Variants in GRM5 observed in about 807,000 individuals in gnomAD.
GRM5 encodes glutamate metabotropic receptor 5.
Under a neutral mutation model 83.1 loss-of-function variants are expected in GRM5, and 19 were observed. The observed-to-expected ratio is 0.23, with a 90% CI of 0.16 to 0.34. The LOEUF (loss-of-function observed/expected upper bound fraction) is 0.34. Among genes scored for constraint, GRM5 ranks in the 10% least tolerant of loss-of-function variants. The probability of loss-of-function intolerance (pLI) is 1.00; values close to 1 mark genes in which losing one functional copy is unlikely to be tolerated. For synonymous variants in GRM5, 675 were observed against 633.6 expected (o/e 1.07, Z -0.98); for missense variants, 1,160 against 1,588.3 (o/e 0.73, Z 4.58).
At chr11:88,657,850 A>T (rs1273631784) in intron 3 of GRM5, among the ~76,000 whole-genome samples, 3 of 152,122 alleles carry the variant, frequency 2.0e-5, no homozygotes, top group Non-Finnish European at 4.4e-5. Context: ...CCAGTATCTC[A>T]CTGGTATAGA....
chr11:88,554,898 C>T, intron 8 of GRM5, among the ~76,000 whole-genome samples: 1 of 152,128 alleles, frequency 6.6e-6, no homozygotes, highest in East Asian at 1.9e-4. Flanking sequence ...TTATCTTACC[C>T]TCAGGTGGGC....
intron 3 of GRM5, among the ~76,000 whole-genome samples, chr11:88,688,389 G>A (rs886099762): frequency 6.6e-6 from 1 of 152,068 alleles, no homozygotes; most frequent in African/African-American, 2.4e-5. Context: ...AGTGCAAATG[G>A]ACAATAAGAA....
intron 2 of GRM5, among the ~76,000 whole-genome samples, chr11:88,987,296 T>A (rs1284097612): frequency 6.6e-6 from 1 of 152,112 alleles, no homozygotes; most frequent in Non-Finnish European, 1.5e-5. Context: ...ACTGCGCTTT[T>A]CCGACGGGCT....
At chr11:88,681,565 C>CTTTTTTTTTTTTTTT (rs796854617) in intron 3 of GRM5, among the ~76,000 whole-genome samples, 277 of 25,412 alleles carry the variant, frequency 0.011, 82 homozygotes, top group African/African-American at 0.022. Context: ...TGAGTTCTTC[C>CTTTTTTTTTTTTTTT]TTTTTTTTTT....
intron 3 of GRM5, among the ~76,000 whole-genome samples, chr11:88,731,839 A>T (rs11021113): frequency 0.64 from 97,527 of 151,802 alleles, 33,426 homozygotes; most frequent in South Asian, 0.84. Flanking sequence ...TTTAAAATTG[A>T]ATTTTCTGAC....
chr11:88,870,952 T>C (rs1055400276), intron 2 of GRM5, among the ~76,000 whole-genome samples: 1 of 151,528 alleles, frequency 6.6e-6, no homozygotes, highest in Non-Finnish European at 1.5e-5. Context: ...TACAAAGAAA[T>C]GCTAAATGTT....
chr11:88,690,481 AT>A (rs1014901912), intron 3 of GRM5, among the ~76,000 whole-genome samples: 1 of 151,800 alleles, frequency 6.6e-6, no homozygotes, highest in South Asian at 2.1e-4. Context: ...ATGCTGCTTT[AT>A]TTTTTAAAAA....
intron 2 of GRM5, among the ~76,000 whole-genome samples, chr11:89,033,644 T>C (rs996010527): frequency 2.6e-5 from 4 of 151,926 alleles, no homozygotes; most frequent in Admixed American, 1.3e-4. Context: ...TTTCCATGTA[T>C]TGATAGATTG....
At chr11:89,032,040 A>G (rs977158784) in intron 2 of GRM5, among the ~76,000 whole-genome samples, 1 of 152,104 alleles carries the variant, frequency 6.6e-6, no homozygotes, top group Non-Finnish European at 1.5e-5. Context: ...TTTTAAAAAT[A>G]CTATTAATTT....
At chr11:89,019,523 C>T (rs1940931748) in intron 2 of GRM5, among the ~76,000 whole-genome samples, 1 of 149,476 alleles carries the variant, frequency 6.7e-6, no homozygotes, top group Non-Finnish European at 1.5e-5. Context: ...GATGAAACCC[C>T]ATCACTACTA....
At chr11:88,831,918 G>A (rs11021512) in intron 3 of GRM5, among the ~76,000 whole-genome samples, 25,200 of 152,084 alleles carry the variant, frequency 0.17, 3,467 homozygotes, top group African/African-American at 0.35. Flanking sequence ...GCCTGAGCCC[G>A]TTAACATTGG....
At chr11:88,832,277 C>A (rs771944169) in intron 3 of GRM5, among the ~76,000 whole-genome samples, 2 of 152,044 alleles carry the variant, frequency 1.3e-5, no homozygotes, top group Non-Finnish European at 2.9e-5. Context: ...AGTAAAGTTG[C>A]AGGATGCAAA....
At chr11:88,588,026 G>A (rs962130174) in intron 7 of GRM5, among the ~76,000 whole-genome samples, 2 of 152,124 alleles carry the variant, frequency 1.3e-5, no homozygotes, top group Non-Finnish European at 2.9e-5. Context: ...TCTCCTACAT[G>A]AGCAAGGAAA....
At chr11:88,651,758 T>G (rs1432898199) in intron 4 of GRM5, among the ~76,000 whole-genome samples, 1 of 152,046 alleles carries the variant, frequency 6.6e-6, no homozygotes, top group Non-Finnish European at 1.5e-5. Flanking sequence ...TTGATGGGTG[T>G]ATTATCCCAC....
chr11:88,870,454 C>A (rs1435849549), intron 2 of GRM5, among the ~76,000 whole-genome samples: 7 of 4,348 alleles, frequency 1.6e-3, no homozygotes, highest in African/African-American at 1.8e-3. Flanking sequence ...ATGACAAGAA[C>A]TTTAATAGGT....
chr11:88,783,201 A>G (rs1202666701), intron 3 of GRM5, among the ~76,000 whole-genome samples: 2 of 152,150 alleles, frequency 1.3e-5, no homozygotes, highest in Admixed American at 1.3e-4. Context: ...CCCCTCTTAC[A>G]GTAATTTTGG....
chr11:88,988,257 C>T (rs1347778463), intron 2 of GRM5, among the ~76,000 whole-genome samples: 10 of 151,966 alleles, frequency 6.6e-5, no homozygotes, highest in East Asian at 5.8e-4. Context: ...AGAAAGGGTA[C>T]CAGCGATGGA....
chr11:88,721,107 C>T (rs1414744714), intron 3 of GRM5, among the ~76,000 whole-genome samples: 1 of 151,950 alleles, frequency 6.6e-6, no homozygotes, highest in Non-Finnish European at 1.5e-5. Context: ...ATGGTAATCA[C>T]ACAACCTTAA....
At chr11:89,015,129 C>A (rs1940818184) in intron 2 of GRM5, among the ~76,000 whole-genome samples, 2 of 152,300 alleles carry the variant, frequency 1.3e-5, no homozygotes, top group South Asian at 4.1e-4. Flanking sequence ...TTTATTTGAA[C>A]TTGGACTCGT....
Sources: gnomAD v4.1 joint callset for allele counts (sites outside exome capture counted in the v4.1 genomes callset) on GRCh38, gnomAD v4.1.1 for gene constraint, MANE v1.5 for transcripts, NCBI Gene and HGNC (gene_info 2026-07-23, HGNC 2026-07-21) for gene names.